MYO3A: variants seen among roughly 807,000 people sequenced by gnomAD.
MYO3A encodes myosin-IIIa.
Under a neutral mutation model 192.7 loss-of-function variants are expected in MYO3A, and 180 were observed. The ratio of observed to expected loss-of-function variants is 0.93; its 90% CI spans 0.83 to 1.06. MYO3A has a LOEUF of 1.06. Ranked by LOEUF, MYO3A falls within the 50% of genes least tolerant of loss-of-function variation. MYO3A has a pLI of 0.00. For synonymous variants in MYO3A, 628 were observed against 645.3 expected (o/e 0.97, Z 0.41); for missense variants, 1,896 against 1,905.0 (o/e 1.00, Z 0.09).
chr10:26,087,382 C>G (rs904181903), intron 14 of MYO3A, among the ~76,000 whole-genome samples: 17 of 152,150 alleles, frequency 1.1e-4, no homozygotes, highest in African/African-American at 4.1e-4. Flanking sequence ...CACCACTGCT[C>G]TCCCTCAACA....
chr10:26,035,578 C>G (rs1842987598), intron 10 of MYO3A, among the ~76,000 whole-genome samples: 1 of 152,164 alleles, frequency 6.6e-6, no homozygotes, highest in South Asian at 2.1e-4. Context: ...ATTATACAAT[C>G]ATAGATTATT....
chr10:26,074,163 A>C (rs1342613685), intron 14 of MYO3A, among the ~76,000 whole-genome samples: 1 of 152,198 alleles, frequency 6.6e-6, no homozygotes, highest in African/African-American at 2.4e-5. Flanking sequence ...GTCATGTTAA[A>C]ATTTTTGCCA....
chr10:25,991,922 T>C (rs1187172211), intron 4 of MYO3A, among the ~76,000 whole-genome samples: 2 of 152,210 alleles, frequency 1.3e-5, no homozygotes, highest in East Asian at 3.8e-4. Context: ...TGTACCCTTG[T>C]AGTATAGTTT....
chr10:26,078,946 G>A (rs1459072557), intron 14 of MYO3A, among the ~76,000 whole-genome samples: 2 of 152,104 alleles, frequency 1.3e-5, no homozygotes, highest in Non-Finnish European at 2.9e-5. Flanking sequence ...GTCTATCTTG[G>A]AGAAAGTTCC....
intron 6 of MYO3A, among the ~76,000 whole-genome samples, chr10:26,011,206 A>G (rs1841633197): frequency 6.6e-6 from 1 of 152,134 alleles, no homozygotes; most frequent in East Asian, 1.9e-4. Flanking sequence ...ATGTGTGTGA[A>G]TCGCTTGAGC....
chr10:25,992,334 T>C (rs1224072332), intron 4 of MYO3A, among the ~76,000 whole-genome samples: 1 of 152,232 alleles, frequency 6.6e-6, no homozygotes, highest in African/African-American at 2.4e-5. Flanking sequence ...TGTATAAGAA[T>C]GCTTGTGATT....
At chr10:26,051,671 GC>G (rs1844013898) in intron 10 of MYO3A, among the ~76,000 whole-genome samples, 1 of 151,018 alleles carries the variant, frequency 6.6e-6, no homozygotes, top group Non-Finnish European at 1.5e-5. Context: ...ATAGCGGCTT[GC>G]CATCCCCCAC....
intron 25 of MYO3A, among the ~76,000 whole-genome samples, chr10:26,155,147 C>T (rs1446181823): frequency 6.6e-6 from 1 of 152,208 alleles, no homozygotes; most frequent in Non-Finnish European, 1.5e-5. Context: ...TACCAATTCT[C>T]CTTCCCCATC....
Position 26,070,298 on chromosome 10 carries a change from GTTTTC to G in MYO3A, c.1276-13_1276-9del, listed in dbSNP as rs772138045. On this transcript the variant is annotated splice_polypyrimidine_tract_variant and intron_variant, in intron 13 of 34. Coordinates refer to ENST00000642920, the MANE Select transcript of MYO3A (RefSeq NM_017433.5). ...ATTTTGAGGATAAGGTCTTCTCACA[GTTTTC>G]TTTTCTATGTATAGTGCATTGTTAT... 1.2e-6 allele frequency: 2 copies of G among 1,611,408 alleles called. No homozygotes were observed. Among genetic ancestry groups the G allele is most frequent in the Admixed American group, 1.7e-5 (1 of 59,970 alleles).
Position 26,037,411 on chromosome 10 carries a change from GA to G in MYO3A, c.953+10886del, listed in dbSNP as rs879428258. On this transcript the variant is annotated intron_variant, in intron 10 of 34. Coordinates refer to ENST00000642920, the MANE Select transcript of MYO3A (RefSeq NM_017433.5). The stretch of plus-strand genomic sequence containing the variant: ...TTTAGCTATTTATTACTTACTGTGA[GA>G]AAAAAATTGGAGAACCAATTAACAT... Among the ~76,000 whole-genome samples the G allele has an allele frequency of 4.0e-4, 61 of 152,082 alleles. 1 individual carries two copies. The highest frequency in any genetic ancestry group is 6.5e-5 in the Admixed American group (1 of 15,276).
At chr10:26,190,715 G>A (rs1052646751) in intron 31 of MYO3A, among the ~76,000 whole-genome samples, 1 of 152,100 alleles carries the variant, frequency 6.6e-6, no homozygotes, top group Non-Finnish European at 1.5e-5. Context: ...AATGATGAAG[G>A]GTCAGAGACA....
At chr10:26,142,232 G>A (rs534016568) in intron 20 of MYO3A, among the ~76,000 whole-genome samples, 1 of 152,224 alleles carries the variant, frequency 6.6e-6, no homozygotes, top group African/African-American at 2.4e-5. Context: ...ACTCGAGTCA[G>A]TGATTGATTT....
chr10:25,988,850 A>G (rs1180817055), intron 4 of MYO3A, among the ~76,000 whole-genome samples: 1 of 151,884 alleles, frequency 6.6e-6, no homozygotes, highest in Non-Finnish European at 1.5e-5. Flanking sequence ...CAGAAAGTAC[A>G]GCCAAATAGA....
chr10:26,112,703 G>A (rs569131707), intron 17 of MYO3A, among the ~76,000 whole-genome samples: 4 of 152,244 alleles, frequency 2.6e-5, no homozygotes, highest in South Asian at 4.1e-4. Flanking sequence ...TACAGTTCAC[G>A]TGTGCATTTG....
chr10:26,039,865 C>A (rs112543417), intron 10 of MYO3A, among the ~76,000 whole-genome samples: 25,184 of 151,624 alleles, frequency 0.17, 2,332 homozygotes, highest in Non-Finnish European at 0.21. Context: ...TTCTTCTTTC[C>A]AATTCATTTA....
At chr10:25,967,808 T>C (rs1350901530) in intron 4 of MYO3A, among the ~76,000 whole-genome samples, 1 of 152,120 alleles carries the variant, frequency 6.6e-6, no homozygotes, top group African/African-American at 2.4e-5. Context: ...GATGACAAAT[T>C]CATAAGAATC....
intron 30 of MYO3A, among the ~76,000 whole-genome samples, chr10:26,175,239 A>C (rs966186447): frequency 6.6e-6 from 1 of 152,210 alleles, no homozygotes; most frequent in African/African-American, 2.4e-5. Flanking sequence ...TGATACATAC[A>C]ATTTATCTCC....
intron 2 of MYO3A, among the ~76,000 whole-genome samples, chr10:25,950,046 C>T (rs890575305): frequency 2.6e-5 from 4 of 152,078 alleles, no homozygotes; most frequent in African/African-American, 9.7e-5. Context: ...AAAGCCCATA[C>T]CCTCATGTAG....
At position 26,145,548 on chromosome 10, in the gene MYO3A, A is replaced by G; in HGVS notation, c.2505+14A>G. 1.3e-6 allele frequency: 2 copies of G among 1,544,808 alleles called. No individual in the cohort carries two copies. The highest frequency in any genetic ancestry group is 1.8e-6 in the Non-Finnish European group (2 of 1,116,982). Reference sequence around the variant, plus strand: ...TATGCAGGAAAGGTAAGAACTCTAAAGAATTATGACTGAGTTTCTCCTTAG... The same window carrying G: ...TATGCAGGAAAGGTAAGAACTCTAAGGAATTATGACTGAGTTTCTCCTTAG... On this transcript the variant is annotated intron_variant, in intron 22 of 34. Coordinates refer to ENST00000642920, the MANE Select transcript of MYO3A (RefSeq NM_017433.5).
Sources: gnomAD v4.1 joint callset for allele counts (sites outside exome capture counted in the v4.1 genomes callset) on GRCh38, gnomAD v4.1.1 for gene constraint, MANE v1.5 for transcripts, NCBI Gene and HGNC (gene_info 2026-07-23, HGNC 2026-07-21) for gene names.